Variants in XKR9 observed in about 807,000 individuals in gnomAD.
XKR9 encodes the protein XK related 9, also known as XK-related protein 9.
Under a neutral mutation model 32.0 loss-of-function variants are expected in XKR9, and 32 were observed. That is an observed-to-expected ratio of 1.00 (90% CI 0.76 to 1.34). The LOEUF is 1.34. Ranked by LOEUF, XKR9 falls within the 40% of genes most tolerant of loss-of-function variation. XKR9 has a pLI of 0.00. For synonymous variants in XKR9, 168 were observed against 143.4 expected (o/e 1.17, Z -1.22); for missense variants, 546 against 429.7 (o/e 1.27, Z -2.39).
At chr8:70,707,823 T>C (rs1420916549) in intron 4 of XKR9, among the ~76,000 whole-genome samples, 1 of 152,098 alleles carries the variant, frequency 6.6e-6, no homozygotes, top group Non-Finnish European at 1.5e-5. Context: ...AAATGTTCAT[T>C]TTTTAAAGAA....
At chr8:70,763,662 A>T (rs1454506726) in intron 2 of XKR9, among the ~76,000 whole-genome samples, 4 of 152,202 alleles carry the variant, frequency 2.6e-5, no homozygotes, top group Non-Finnish European at 5.9e-5. Context: ...TTCTGAAAAA[A>T]TTATTTTTTT....
downstream of XKR9, among the ~76,000 whole-genome samples, chr8:70,739,638 C>T (rs547043336): frequency 0.016 from 2,452 of 151,520 alleles, 64 homozygotes; most frequent in African/African-American, 0.058. Context: ...GTGCTTCCTT[C>T]AGGAGCTCTT....
At chr8:70,716,536 C>G (rs1286437482) in intron 4 of XKR9, among the ~76,000 whole-genome samples, 1 of 152,046 alleles carries the variant, frequency 6.6e-6, no homozygotes, top group Non-Finnish European at 1.5e-5. Flanking sequence ...GGGGAAGCCC[C>G]TTATAAAACC....
chr8:71,002,339 T>C, the XKR9 span, among the ~76,000 whole-genome samples: 2,068 of 76,960 alleles, frequency 0.027, 94 homozygotes, highest in African/African-American at 0.063. Flanking sequence ...TCTAATTTAA[T>C]GTTTAAAATA....
the XKR9 span, among the ~76,000 whole-genome samples, chr8:70,931,092 A>G: frequency 6.6e-6 from 1 of 152,186 alleles, no homozygotes; most frequent in Non-Finnish European, 1.5e-5. Flanking sequence ...TGTTTAAATA[A>G]ATATCCACAT....
In XKR9 at chr8:70,769,946, C is replaced by T. The variant is rs573567073; in HGVS notation, n.353-19393C>T. 9.9e-5 allele frequency among the ~76,000 whole-genome samples: 15 copies of T among 152,124 alleles called. No homozygotes were observed. The East Asian group carries it at 2.1e-3, about 22-fold the overall frequency. Reference sequence around the variant, plus strand: ...CTTCTGAAGCCTACTTCTGTCAATTCGTCAAACTCATTCTCCATCCAGTTG... The same window carrying T: ...CTTCTGAAGCCTACTTCTGTCAATTTGTCAAACTCATTCTCCATCCAGTTG... On this transcript the variant is annotated intron_variant and non_coding_transcript_variant, in intron 2 of 3. Transcript: ENST00000520273.
the XKR9 span, among the ~76,000 whole-genome samples, chr8:70,977,604 T>G: frequency 5.3e-5 from 8 of 152,224 alleles, no homozygotes; most frequent in Non-Finnish European, 1.2e-4. Flanking sequence ...GAGAGACAGT[T>G]TGTTGTGATT....
the XKR9 span, among the ~76,000 whole-genome samples, chr8:70,824,453 A>T: frequency 6.6e-6 from 1 of 152,040 alleles, no homozygotes; most frequent in Non-Finnish European, 1.5e-5. Context: ...TAAAAATCCT[A>T]TTCCTAAATT....
At chr8:70,786,997 G>A (rs1807697757) in intron 2 of XKR9, among the ~76,000 whole-genome samples, 1 of 152,104 alleles carries the variant, frequency 6.6e-6, no homozygotes, top group African/African-American at 2.4e-5. Flanking sequence ...AGTAGCTCAG[G>A]TAGACTCTTG....
At chr8:70,861,328 T>C in the XKR9 span, among the ~76,000 whole-genome samples, 2 of 152,130 alleles carry the variant, frequency 1.3e-5, no homozygotes, top group Non-Finnish European at 1.5e-5. Context: ...ATCTGTAAAA[T>C]GGAGATTATA....
At chr8:70,814,379 A>C in the XKR9 span, among the ~76,000 whole-genome samples, 209 of 152,238 alleles carry the variant, frequency 1.4e-3, no homozygotes, top group Non-Finnish European at 2.4e-3. Flanking sequence ...CCAACATTGC[A>C]CATGTATACA....
At chr8:70,955,069 A>T in the XKR9 span, among the ~76,000 whole-genome samples, 2 of 152,230 alleles carry the variant, frequency 1.3e-5, no homozygotes, top group African/African-American at 4.8e-5. Context: ...GGAGCATTGC[A>T]GTGGCTGGAA....
the XKR9 span, among the ~76,000 whole-genome samples, chr8:71,059,309 A>G: frequency 6.6e-6 from 1 of 152,200 alleles, no homozygotes; most frequent in Non-Finnish European, 1.5e-5. Flanking sequence ...GAAACCACTA[A>G]CAAGGTGATT....
At chr8:70,741,084 G>GAGGC (rs1489269647) in intron 2 of XKR9, among the ~76,000 whole-genome samples, 3 of 152,274 alleles carry the variant, frequency 2.0e-5, no homozygotes, top group Non-Finnish European at 4.4e-5. Context: ...GGAGCCTACA[G>GAGGC]AGGCAGGCAG....
the XKR9 span, among the ~76,000 whole-genome samples, chr8:71,063,440 A>C: frequency 6.6e-6 from 1 of 152,260 alleles, no homozygotes; most frequent in African/African-American, 2.4e-5. Flanking sequence ...GGTAGGAGCA[A>C]GAATTCTGCA....
At chr8:70,767,030 G>T (rs956061766) in intron 2 of XKR9, among the ~76,000 whole-genome samples, 1 of 152,260 alleles carries the variant, frequency 6.6e-6, no homozygotes, top group East Asian at 1.9e-4. Flanking sequence ...TCACATCAAT[G>T]TTCATCAGGG....
At chr8:71,035,298 A>T in the XKR9 span, among the ~76,000 whole-genome samples, 1 of 152,168 alleles carries the variant, frequency 6.6e-6, no homozygotes, top group Non-Finnish European at 1.5e-5. Flanking sequence ...ATACCAATGG[A>T]TTAACTTTAA....
At chr8:70,775,815 G>A (rs1807510964) in intron 2 of XKR9, among the ~76,000 whole-genome samples, 1 of 151,792 alleles carries the variant, frequency 6.6e-6, no homozygotes, top group Non-Finnish European at 1.5e-5. Flanking sequence ...CGCAATCATG[G>A]CTCACTGCAG....
downstream of XKR9, chr8:70,736,040 C>CG (rs1806855208): frequency 6.6e-6 from 1 of 152,248 alleles, no homozygotes; most frequent in South Asian, 2.1e-4. Flanking sequence ...AATCACCACA[C>CG]TGACTTCCAC....
Sources: gnomAD v4.1 joint callset for allele counts (sites outside exome capture counted in the v4.1 genomes callset) on GRCh38, gnomAD v4.1.1 for gene constraint, MANE v1.5 for transcripts, NCBI Gene and HGNC (gene_info 2026-07-23, HGNC 2026-07-21) for gene names.